Variants in MGAM2 observed in about 807,000 individuals in gnomAD.
The protein encoded by MGAM2 is probable maltase-glucoamylase 2.
In MGAM2, 98 loss-of-function variants were observed where a neutral mutation model predicts 96.1. The ratio of observed to expected loss-of-function variants is 1.02; its 90% CI spans 0.87 to 1.21. The LOEUF (loss-of-function observed/expected upper bound fraction) is 1.21, where lower values mean the gene tolerates loss of function less well. Ranked by LOEUF, MGAM2 falls within the 50% of genes most tolerant of loss-of-function variation. The pLI is 0.00. For synonymous variants in MGAM2, 749 were observed against 414.8 expected, an observed-to-expected ratio of 1.81 and a Z score of -9.79; for missense variants, 2,055 against 1,182.4, an observed-to-expected ratio of 1.74 and a Z score of -10.82.
In MGAM2 at chr7:142,171,425, T is replaced by C. The variant is rs1347015249; in HGVS notation, c.3336T>C (p.His1112=). The C allele has an allele frequency of 1.3e-5, 9 of 702,958 alleles. No homozygotes were observed. The highest frequency in any genetic ancestry group is 2.1e-5 in the Non-Finnish European group (8 of 384,880). The allele number at this position is 702,958 out of a possible 1,614,324, so 43.5% of individuals were successfully genotyped here. The change falls in exon 28 of 48, where the codon CAT becomes CAC. Residue 1112 remains histidine, a synonymous_variant. Transcript: ENST00000477922. ...GGAACACATGGGGAATGTTTGCTCA[T>C]GATGAGCCACCTGCGGTAGGGACAA... ...MNWNTWGMFA[H]DEPPAYKKNS... is the part of the protein sequence containing the mutation.
At chr7:142,136,939 C>T (rs952227125) in intron 8 of MGAM2, among the ~76,000 whole-genome samples, 2 of 152,076 alleles carry the variant, frequency 1.3e-5, no homozygotes, top group Admixed American at 6.5e-5. Context: ...TAGATTTCAA[C>T]GTGTAAATTG....
intron 15 of MGAM2, among the ~76,000 whole-genome samples, chr7:142,149,161 G>A (rs113210559): frequency 0.22 from 33,754 of 151,592 alleles, 4,720 homozygotes; most frequent in East Asian, 0.44. Flanking sequence ...CCCGGGAGAC[G>A]GAGGTTGCAG....
chr7:142,131,716 C>T, intron 5 of MGAM2, 89 bp downstream of exon 5: 2 of 659,458 alleles, frequency 3.0e-6, no homozygotes, highest in Non-Finnish European at 2.8e-6. Context: ...AGGTACCTCT[C>T]TCCCTCTCTG....
chr7:142,174,872 A>C (rs6972044), intron 31 of MGAM2, among the ~76,000 whole-genome samples: 28,601 of 151,528 alleles, frequency 0.19, 2,982 homozygotes, highest in East Asian at 0.34. Flanking sequence ...TGGGCCACCA[A>C]GCTTGGCTAA....
chr7:142,179,614 A>C (rs150667471), intron 32 of MGAM2, among the ~76,000 whole-genome samples: 39 of 152,282 alleles, frequency 2.6e-4, no homozygotes, highest in African/African-American at 9.1e-4. Flanking sequence ...TGAAATTATC[A>C]TATGGCTTTT....
At chr7:142,211,637 A>G (rs1797585991) in intron 46 of MGAM2, among the ~76,000 whole-genome samples, 1 of 152,214 alleles carries the variant, frequency 6.6e-6, no homozygotes, top group African/African-American at 2.4e-5. Flanking sequence ...AGACAAAATT[A>G]GAGAAAAAAG....
At chr7:142,165,941 A>G (rs1413812752) in intron 24 of MGAM2, among the ~76,000 whole-genome samples, 157 bp from the exon 25 acceptor site, 3 of 152,196 alleles carry the variant, frequency 2.0e-5, no homozygotes, top group African/African-American at 7.2e-5. Flanking sequence ...GAAGTGAGAA[A>G]ACCCAGGAAT....
Position 142,185,975 on chromosome 7 carries a change from T to C in MGAM2, c.3988-14T>C. 1.4e-6 allele frequency: 1 copy of C among 702,870 alleles called. No homozygotes were observed. The highest frequency in any genetic ancestry group is 2.6e-6 in the Non-Finnish European group (1 of 384,860). The allele number at this position is 702,870 out of a possible 1,614,324, so 43.5% of individuals were successfully genotyped here. ...CTGAGACCCCGACAATGAGAGTGTG[T>C]GTTATTCTTACAGCTTTACAGGGCC... is the stretch of plus-strand genomic sequence containing the variant. On this transcript the variant is annotated splice_polypyrimidine_tract_variant and intron_variant, in intron 34 of 47. Coordinates refer to ENST00000477922, the MANE Select transcript of MGAM2 (RefSeq NM_001293626.2).
At position 142,159,356 on chromosome 7, in the gene MGAM2, G is replaced by T; in HGVS notation, c.2220+13G>T. 1.4e-6 allele frequency: 1 copy of T among 702,226 alleles called. No homozygotes were observed. Among genetic ancestry groups the T allele is most frequent in the African/African-American group, 1.7e-5 (1 of 57,350 alleles). The allele number at this position is 702,226 out of a possible 1,614,324, so 43.5% of individuals were successfully genotyped here. On this transcript the variant is annotated intron_variant, in intron 20 of 47. Coordinates refer to ENST00000477922, the MANE Select transcript of MGAM2 (RefSeq NM_001293626.2). ...TGACTATGAGACAGTAAGTAAGGCAGCCCTGGTTGGCTCACAGACCTGCCT... is the reference window on the plus strand; with the variant it reads ...TGACTATGAGACAGTAAGTAAGGCATCCCTGGTTGGCTCACAGACCTGCCT...
chr7:142,129,612 G>T (rs1156328547), intron 3 of MGAM2, among the ~76,000 whole-genome samples: 2 of 151,828 alleles, frequency 1.3e-5, no homozygotes, highest in East Asian at 3.9e-4. Context: ...ATCACCTGAG[G>T]TCAGGAGTTC....
chr7:142,189,323 T>G lies in MGAM2; in HGVS notation c.4208-44T>G, dbSNP rs539675788. 2.4e-4 allele frequency: 151 copies of G among 628,728 alleles called. No individual in the cohort carries two copies. The East Asian group carries it at 4.3e-3, about 18-fold the overall frequency. 38.9% of individuals were successfully genotyped at this position (628,728 alleles called of 1,614,324 possible). ...AAATGATGGGCATTTCTAGTGAATG[T>G]GCAAATCATGTTGTTTAGGAAATAA... On this transcript the variant is annotated intron_variant, in intron 36 of 47. Transcript: ENST00000477922.
chr7:142,196,546 C>T lies in MGAM2; in HGVS notation c.4481-19C>T, dbSNP rs760834347. 5.6e-6 allele frequency: 4 copies of T among 715,048 alleles called. No individual in the cohort carries two copies. The highest frequency in any genetic ancestry group is 1.0e-5 in the Non-Finnish European group (4 of 390,046). The allele number at this position is 715,048 out of a possible 1,614,324, so 44.3% of individuals were successfully genotyped here. ...CAAAGTGCTCCTTCCTCCAACACAG[C>T]TGTGTCTTCTCTTTGCAGGCATGAT... On this transcript the variant is annotated intron_variant, in intron 38 of 47. Transcript: ENST00000477922.
intron 45 of MGAM2, among the ~76,000 whole-genome samples, chr7:142,203,581 A>G (rs1487690428): frequency 6.6e-6 from 1 of 152,184 alleles, no homozygotes; most frequent in Non-Finnish European, 1.5e-5. Context: ...GAGGTATCAC[A>G]CTACCCAACA....
Position 142,196,772 on chromosome 7 carries a change from G to T in MGAM2, c.4588G>T (p.Ala1530Ser), listed in dbSNP as rs759580316. 2 of 786,228 alleles carry T rather than the reference G, an allele frequency of 2.5e-6. No homozygotes were observed. Among genetic ancestry groups the T allele is most frequent in the Admixed American group, 1.7e-5 (1 of 59,018 alleles). 48.7% of individuals were successfully genotyped at this position (786,228 alleles called of 1,614,324 possible). A position where few individuals can be genotyped will look rare whatever the true frequency, so the allele number is the denominator to read the frequency against. The change falls in exon 40 of 48, where the codon GCA becomes TCA. Residue 1530 changes from alanine to serine, a missense_variant. Ala to Ser is a moderately conservative substitution (Grantham distance 99). Transcript: ENST00000477922. ...GTGTGTTCGCTGGATGCAACTGGGG[G>T]CATTTTATCCATTTTCCAGAAACCA... Reference protein sequence around the residue: ...EMCVRWMQLGAFYPFSRNHNN... With the variant: ...EMCVRWMQLGSFYPFSRNHNN...
At chr7:142,120,519 T>C (rs1794538567) in intron 3 of MGAM2, 138 bp downstream of exon 3, 9 of 550,284 alleles carry the variant, frequency 1.6e-5, no homozygotes, top group Non-Finnish European at 2.3e-5. Context: ...CTTATCTTAT[T>C]GAAATAACAA....
At chr7:142,183,468 C>T in intron 33 of MGAM2, 95 bp downstream of exon 33, 2 of 633,978 alleles carry the variant, frequency 3.2e-6, no homozygotes, top group Non-Finnish European at 5.7e-6. Flanking sequence ...ATTGGACAAT[C>T]AATAAATTAT....
chr7:142,183,488 GA>G, intron 33 of MGAM2, 115 bp downstream of exon 33: 2 of 617,896 alleles, frequency 3.2e-6, no homozygotes, highest in Non-Finnish European at 5.8e-6. Context: ...TGAATGAGTA[GA>G]AATCTGTCCG....
chr7:142,215,041 A>G (rs1797712481), intron 46 of MGAM2, among the ~76,000 whole-genome samples: 1 of 152,210 alleles, frequency 6.6e-6, no homozygotes, highest in African/African-American at 2.4e-5. Flanking sequence ...GCAAAGACTT[A>G]GAACCAACCC....
At chr7:142,130,647 A>G (rs1052665938) in intron 3 of MGAM2, among the ~76,000 whole-genome samples, 2 of 152,166 alleles carry the variant, frequency 1.3e-5, no homozygotes, top group Admixed American at 1.3e-4. Flanking sequence ...TGGAGCCCTC[A>G]TATCATCATA....
Sources: gnomAD v4.1 joint callset for allele counts (sites outside exome capture counted in the v4.1 genomes callset) on GRCh38, gnomAD v4.1.1 for gene constraint, MANE v1.5 for transcripts, NCBI Gene and HGNC (gene_info 2026-07-23, HGNC 2026-07-21) for gene names.